HS3ST5: variants seen among roughly 807,000 people sequenced by gnomAD.
The protein encoded by HS3ST5 is heparan sulfate-glucosamine 3-sulfotransferase 5.
A neutral mutation model predicts 25.4 loss-of-function variants in HS3ST5; 10 were observed. The ratio of observed to expected loss-of-function variants is 0.39; its 90% CI spans 0.24 to 0.67. The LOEUF (loss-of-function observed/expected upper bound fraction) is 0.67. Among genes scored for constraint, HS3ST5 ranks in the 30% least tolerant of loss-of-function variants. HS3ST5 has a pLI of 0.44. For missense variants in HS3ST5, 324 were observed against 420.7 expected (o/e 0.77, Z 2.01); for synonymous variants, 170 against 162.4 (o/e 1.05, Z -0.36).
rs532941736 is a variant in HS3ST5, at chr6:114,216,050, T to A, written c.-145+12535A>T. Among the ~76,000 whole-genome samples the A allele has an allele frequency of 6.1e-4, 93 of 152,300 alleles. 1 individual carries two copies. The highest frequency in any genetic ancestry group is 2.2e-3 in the African/African-American group (90 of 41,560). ...TCAAGGACAATTGAACTGGTATCTATTGGGTTTTAACTGCGGCTCTGCTGC... is the reference window on the plus strand; with the variant it reads ...TCAAGGACAATTGAACTGGTATCTAATGGGTTTTAACTGCGGCTCTGCTGC... On this transcript the variant is annotated intron_variant, in intron 2 of 4. Transcript: ENST00000312719.
chr6:114,199,485 A>G (rs1780912178), intron 2 of HS3ST5, among the ~76,000 whole-genome samples: 1 of 152,212 alleles, frequency 6.6e-6, no homozygotes, highest in African/African-American at 2.4e-5. Flanking sequence ...GGTATTTGAT[A>G]ATGCACACAA....
chr6:114,133,999 G>A (rs1028069846), intron 3 of HS3ST5, among the ~76,000 whole-genome samples: 2 of 152,034 alleles, frequency 1.3e-5, no homozygotes, highest in African/African-American at 4.8e-5. Context: ...AGAAAGAGAG[G>A]GCGGCGGGGA....
intron 3 of HS3ST5, chr6:114,131,242 A>T (rs992163553): frequency 5.3e-5 from 8 of 152,144 alleles, no homozygotes; most frequent in African/African-American, 1.7e-4. Flanking sequence ...TCTACTACAG[A>T]TTATCAAAAG....
chr6:114,255,163 G>A (rs2139416), intron 1 of HS3ST5, among the ~76,000 whole-genome samples: 24,761 of 152,148 alleles, frequency 0.16, 2,095 homozygotes, highest in Middle Eastern at 0.28. Flanking sequence ...TTAAATGGGA[G>A]AAATTGGCTA....
At chr6:114,111,032 C>A (rs536019246) in intron 3 of HS3ST5, among the ~76,000 whole-genome samples, 59 of 152,204 alleles carry the variant, frequency 3.9e-4, no homozygotes, top group Non-Finnish European at 7.4e-4. Context: ...ATTTCATATC[C>A]AACTCATATT....
intron 1 of HS3ST5, among the ~76,000 whole-genome samples, chr6:114,301,532 T>A (rs1419209879): frequency 6.6e-6 from 1 of 152,122 alleles, no homozygotes; most frequent in Non-Finnish European, 1.5e-5. Flanking sequence ...GGCAATTGTG[T>A]AAATTTAAGG....
At position 114,273,375 on chromosome 6, in the gene HS3ST5, T is replaced by G. The variant is rs141245906; in HGVS notation, c.-338-44597A>C. Among the ~76,000 whole-genome samples the G allele has an allele frequency of 3.5e-3, 533 of 152,208 alleles. 1 individual carries two copies. Among genetic ancestry groups the G allele is most frequent in the Non-Finnish European group, 5.6e-3 (378 of 67,972 alleles). On this transcript the variant is annotated intron_variant, in intron 1 of 4. Transcript: ENST00000312719. ...TTTTGGATCTTTAAATTTGAGATGC[T>G]TATTAGAATCTAAGTGATATAATCT...
chr6:114,218,061 G>T (rs183034521), intron 2 of HS3ST5, among the ~76,000 whole-genome samples: 2 of 152,236 alleles, frequency 1.3e-5, no homozygotes, highest in East Asian at 3.9e-4. Context: ...GCAGTGGCAT[G>T]ATCTCGGCTC....
At chr6:114,084,083 T>G in intron 3 of HS3ST5, 1 of 592,046 alleles carries the variant, frequency 1.7e-6, no homozygotes, top group Non-Finnish European at 3.0e-6. Flanking sequence ...ATATTTTCTT[T>G]TCTTTTTTTT....
chr6:114,314,068 G>A (rs1021897382), intron 1 of HS3ST5, among the ~76,000 whole-genome samples: 1 of 152,160 alleles, frequency 6.6e-6, no homozygotes, highest in Non-Finnish European at 1.5e-5. Context: ...TGGGATTACA[G>A]GCATGCCCCA....
chr6:114,066,497 A>T (rs1773455029), intron 3 of HS3ST5, among the ~76,000 whole-genome samples: 1 of 152,074 alleles, frequency 6.6e-6, no homozygotes. Flanking sequence ...GCCGGGCATG[A>T]TGGCAGGTGC....
intron 2 of HS3ST5, among the ~76,000 whole-genome samples, chr6:114,193,635 G>A (rs779775297): frequency 1.3e-5 from 2 of 152,150 alleles, no homozygotes; most frequent in Non-Finnish European, 2.9e-5. Flanking sequence ...TACCTAAACT[G>A]TAGGGTTTTT....
At chr6:114,215,257 G>A (rs1781699262) in intron 2 of HS3ST5, among the ~76,000 whole-genome samples, 1 of 152,098 alleles carries the variant, frequency 6.6e-6, no homozygotes, top group South Asian at 2.1e-4. Flanking sequence ...AGTGAGCCGA[G>A]GTCACGCCAC....
chr6:114,142,158 GCT>G (rs1238549567), intron 3 of HS3ST5, among the ~76,000 whole-genome samples: 14 of 151,782 alleles, frequency 9.2e-5, no homozygotes, highest in Admixed American at 6.6e-5. Context: ...AAGCTTTCCT[GCT>G]TGGAGCATCA....
At chr6:114,258,381 C>A (rs1459718901) in intron 1 of HS3ST5, among the ~76,000 whole-genome samples, 5 of 152,192 alleles carry the variant, frequency 3.3e-5, no homozygotes, top group Non-Finnish European at 7.3e-5. Context: ...ACCCAGATTC[C>A]ATTCAGAGTA....
chr6:114,120,214 C>A lies in HS3ST5; in HGVS notation c.-33+48137G>T, dbSNP rs978043. 3.0e-3 allele frequency among the ~76,000 whole-genome samples: 462 copies of A among 151,964 alleles called. 5 individuals are homozygous for A. The highest frequency in any genetic ancestry group is 0.011 in the African/African-American group (442 of 41,470). On this transcript the variant is annotated intron_variant, in intron 3 of 4. Transcript: ENST00000312719. ...CCAAATAAACAATGAACAGACAAGC[C>A]CCCAGTAGCATTTATTAAATATTTA...
intron 2 of HS3ST5, among the ~76,000 whole-genome samples, chr6:114,218,607 G>A (rs1265046665): frequency 1.3e-5 from 2 of 152,180 alleles, no homozygotes; most frequent in Admixed American, 1.3e-4. Flanking sequence ...GTTTTATGAT[G>A]AGCTGGGAGT....
intron 2 of HS3ST5, chr6:114,178,785 T>C (rs1447506721): frequency 6.6e-6 from 1 of 151,754 alleles, no homozygotes; most frequent in Non-Finnish European, 1.5e-5. Flanking sequence ...AGGGGAGAGA[T>C]GAGGGAGAAG....
rs116208063 is a variant in HS3ST5 at position 114,227,147 on chromosome 6, A to G, written c.-145+1438T>C. On this transcript the variant is annotated intron_variant, in intron 2 of 4. Coordinates refer to ENST00000312719, the MANE Select transcript of HS3ST5 (RefSeq NM_153612.4). The stretch of plus-strand genomic sequence containing the variant: ...AAATTTTTAATTTTGATTACTTGAA[A>G]AAAGTACTCTATTATTTTATGCAAA... Among the ~76,000 whole-genome samples the G allele has an allele frequency of 2.8e-3, 431 of 151,766 alleles. 1 individual carries two copies. The highest frequency in any genetic ancestry group is 0.01 in the African/African-American group (418 of 41,470).
Sources: gnomAD v4.1 joint callset for allele counts (sites outside exome capture counted in the v4.1 genomes callset) on GRCh38, gnomAD v4.1.1 for gene constraint, MANE v1.5 for transcripts, NCBI Gene and HGNC (gene_info 2026-07-23, HGNC 2026-07-21) for gene names.